SSH2: variants seen among roughly 807,000 people sequenced by gnomAD.
SSH2 encodes slingshot protein phosphatase 2, also known as protein phosphatase Slingshot homolog 2.
In SSH2, 37 loss-of-function variants were observed where a neutral mutation model predicts 135.2. The observed-to-expected ratio is 0.27, with a 90% CI of 0.21 to 0.36. SSH2 has a LOEUF of 0.36. Among genes scored for constraint, SSH2 ranks in the 10% least tolerant of loss-of-function variants. The probability of loss-of-function intolerance (pLI) is 1.00; values close to 1 mark genes in which losing one functional copy is unlikely to be tolerated. For missense variants in SSH2, 1,408 were observed against 1,765.3 expected (o/e 0.80, Z 3.63); for synonymous variants, 628 against 646.2 (o/e 0.97, Z 0.43).
At chr17:29,700,117 G>C (rs901903078) in intron 4 of SSH2, among the ~76,000 whole-genome samples, 1 of 152,172 alleles carries the variant, frequency 6.6e-6, no homozygotes, top group African/African-American at 2.4e-5. Flanking sequence ...GGCTCAATGG[G>C]ATCCAATATT....
At chr17:29,829,540 C>G (rs905271499) in intron 2 of SSH2, among the ~76,000 whole-genome samples, 1 of 152,064 alleles carries the variant, frequency 6.6e-6, no homozygotes, top group Non-Finnish European at 1.5e-5. Flanking sequence ...CTGGGTTCTT[C>G]CTTCGCTGCT....
At chr17:29,800,623 A>C (rs1414728193) in intron 2 of SSH2, among the ~76,000 whole-genome samples, 1 of 151,756 alleles carries the variant, frequency 6.6e-6, no homozygotes, top group Non-Finnish European at 1.5e-5. Context: ...ATCTAAATTA[A>C]ATAATTAAAT....
In SSH2 at chr17:29,632,763, T is replaced by C. The variant is rs1334427091; in HGVS notation, c.2431A>G (p.Ser811Gly). Residue 811 changes from serine (S) to glycine (G), a missense_variant, in exon 16 of 16, where the codon AGC becomes GGC. By Grantham distance (56) the Ser-to-Gly change is moderately conservative (BLOSUM62 0). Around this residue, in one of 3 missense-constraint regions of SSH2, gnomAD observed 1,080 missense variants for 1,144.5 expected, o/e 0.94. Coordinates refer to ENST00000540801, the MANE Select transcript of SSH2 (RefSeq NM_001282129.2). ...PNPCHTPKKN[S>G]IHELLLERAQ... ...CTCTCAAGGAGCAGCTCATGGATGC[T>C]GTTCTTCTTTGGTGTATGGCATGGG... is the stretch of plus-strand genomic sequence containing the variant. 1 of 1,614,178 alleles carries C rather than the reference T, an allele frequency of 6.2e-7. No homozygotes were observed. The highest frequency in any genetic ancestry group is 8.5e-7 in the Non-Finnish European group (1 of 1,179,978).
intron 1 of SSH2, among the ~76,000 whole-genome samples, chr17:29,855,118 T>A (rs371421230): frequency 2.6e-5 from 4 of 152,302 alleles, no homozygotes; most frequent in East Asian, 1.9e-4. Context: ...CCATCTTTCA[T>A]CCTCTCCTCT....
chr17:29,804,843 CTTTTTTTTTTT>C (rs531310094), intron 2 of SSH2, among the ~76,000 whole-genome samples: 2 of 98,998 alleles, frequency 2.0e-5, no homozygotes, highest in Admixed American at 1.1e-4. Context: ...CCACATCTGG[CTTTTTTTTTTT>C]TTTTTTTTTT....
At chr17:29,858,715 C>CA (rs888334505) in intron 1 of SSH2, among the ~76,000 whole-genome samples, 1 of 151,782 alleles carries the variant, frequency 6.6e-6, no homozygotes, top group Non-Finnish European at 1.5e-5. Context: ...GCCATCTCTA[C>CA]AAAAAAATAA....
intron 2 of SSH2, among the ~76,000 whole-genome samples, chr17:29,840,477 T>C (rs2043020703): frequency 6.6e-6 from 1 of 152,220 alleles, no homozygotes; most frequent in Non-Finnish European, 1.5e-5. Flanking sequence ...CTATTGATAA[T>C]ATAAAGATGT....
At chr17:29,714,298 C>T (rs1429852549) in intron 3 of SSH2, among the ~76,000 whole-genome samples, 1 of 151,886 alleles carries the variant, frequency 6.6e-6, no homozygotes, top group East Asian at 1.9e-4. Flanking sequence ...AGGAGATTAA[C>T]TCAGAAAAAC....
chr17:29,773,597 G>A lies in SSH2; in HGVS notation c.188+20297C>T, dbSNP rs556993798. The stretch of plus-strand genomic sequence containing the variant: ...TTCTCCATCAGATGGTTTACACATC[G>A]CCTTTTGAGATTATTAAATATGAAT... On this transcript the variant is annotated intron_variant, in intron 3 of 15. Coordinates refer to ENST00000540801, the MANE Select transcript of SSH2 (RefSeq NM_001282129.2). Among the ~76,000 whole-genome samples the A allele has an allele frequency of 2.0e-3, 307 of 152,200 alleles. 1 individual carries two copies. The highest frequency in any genetic ancestry group is 7.1e-3 in the African/African-American group (295 of 41,502).
intron 3 of SSH2, among the ~76,000 whole-genome samples, chr17:29,773,456 C>A (rs1010430132): frequency 6.6e-6 from 1 of 152,180 alleles, no homozygotes; most frequent in Non-Finnish European, 1.5e-5. Context: ...CTAAGCACCT[C>A]ATGAATAGAT....
In SSH2 at chr17:29,761,840, CAT is replaced by C. The variant is rs1491162494; in HGVS notation, c.188+32052_188+32053del. Among the ~76,000 whole-genome samples the C allele has an allele frequency of 7.1e-4, 95 of 133,910 alleles. 1 individual carries two copies. Among genetic ancestry groups the C allele is most frequent in the South Asian group, 4.3e-3 (19 of 4,372 alleles). The allele number at this position is 133,910 out of a possible 152,430, so 87.9% of individuals were successfully genotyped here. On this transcript the variant is annotated intron_variant, in intron 3 of 15. Coordinates refer to ENST00000540801, the MANE Select transcript of SSH2 (RefSeq NM_001282129.2). ...GAAATTCAGAGATTACACTCACATA[CAT>C]ATGTGTGTGTGTGTGTGTGTGTGTG...
chr17:29,758,378 G>A (rs2041196416), intron 3 of SSH2, among the ~76,000 whole-genome samples: 1 of 152,118 alleles, frequency 6.6e-6, no homozygotes, highest in Non-Finnish European at 1.5e-5. Flanking sequence ...CCTTCTCTAA[G>A]CCTCAGTTTC....
intron 6 of SSH2, among the ~76,000 whole-genome samples, chr17:29,678,360 A>G (rs2037816678): frequency 6.6e-6 from 1 of 152,188 alleles, no homozygotes; most frequent in Admixed American, 6.5e-5. Context: ...TGCTGGGATT[A>G]CGGGCATGAG....
chr17:29,713,106 C>CGGGTGGATCACGACA (rs2039498833), intron 3 of SSH2, among the ~76,000 whole-genome samples: 1 of 152,156 alleles, frequency 6.6e-6, no homozygotes, highest in Non-Finnish European at 1.5e-5. Context: ...GAGGCTGAGG[C>CGGGTGGATCACGACA]GGGTGGATCA....
intron 1 of SSH2, among the ~76,000 whole-genome samples, chr17:29,880,089 T>C (rs1398094085): frequency 1.3e-5 from 2 of 152,176 alleles, no homozygotes; most frequent in African/African-American, 2.4e-5. Context: ...CATCCATCCA[T>C]TATCCATCTA....
intron 3 of SSH2, among the ~76,000 whole-genome samples, chr17:29,740,321 A>G (rs1253773841): frequency 6.6e-6 from 1 of 152,234 alleles, no homozygotes; most frequent in Non-Finnish European, 1.5e-5. Flanking sequence ...TCTGTGATTT[A>G]AACACACCTT....
intron 3 of SSH2, among the ~76,000 whole-genome samples, chr17:29,738,914 C>T (rs1405049439): frequency 6.6e-6 from 1 of 152,166 alleles, no homozygotes; most frequent in Non-Finnish European, 1.5e-5. Context: ...GCCTCAAAAG[C>T]ATAATTGTTT....
chr17:29,698,650 A>C (rs1203540816), intron 4 of SSH2, among the ~76,000 whole-genome samples: 1 of 151,884 alleles, frequency 6.6e-6, no homozygotes, highest in Non-Finnish European at 1.5e-5. Context: ...TGTGCACCAC[A>C]ACGCCTAGCT....
intron 3 of SSH2, among the ~76,000 whole-genome samples, chr17:29,709,013 TATAGAGAGAGAGAG>T (rs2039330365): frequency 1.1e-5 from 1 of 88,174 alleles, no homozygotes; most frequent in African/African-American, 3.6e-5. Flanking sequence ...TATATATATA[TATAGAGAGAGAGAG>T]AGAGAGAGAG....
Sources: gnomAD v4.1 joint callset for allele counts (sites outside exome capture counted in the v4.1 genomes callset) on GRCh38, gnomAD v4.1.1 for gene constraint, gnomAD v4.1.1 regional missense constraint, MANE v1.5 for transcripts, NCBI Gene and HGNC (gene_info 2026-07-23, HGNC 2026-07-21) for gene names.